Variants in ZYG11B observed in about 807,000 individuals in gnomAD.
The protein encoded by ZYG11B is zyg-11 family member B, cell cycle regulator.
In ZYG11B, 36 loss-of-function variants were observed where a neutral mutation model predicts 82.4. The observed-to-expected ratio is 0.44, with a 90% CI of 0.33 to 0.58. The LOEUF (loss-of-function observed/expected upper bound fraction) is 0.58, where lower values mean the gene tolerates loss of function less well. ZYG11B is among the 20% of genes least tolerant of loss of function. The probability of loss-of-function intolerance (pLI) is 0.02; values close to 1 mark genes in which losing one functional copy is unlikely to be tolerated. For missense variants in ZYG11B, 552 were observed against 895.6 expected (o/e 0.62, Z 4.90); for synonymous variants, 303 against 312.8 (o/e 0.97, Z 0.33).
chr1:52,768,725 C>G (rs754485004), intron 2 of ZYG11B, among the ~76,000 whole-genome samples: 14 of 151,816 alleles, frequency 9.2e-5, no homozygotes, highest in Non-Finnish European at 2.1e-4. Context: ...TCCCAAGTAG[C>G]TGGTATTACA....
At chr1:52,728,095 G>A (rs962562375) in intron 1 of ZYG11B, among the ~76,000 whole-genome samples, 3 of 152,126 alleles carry the variant, frequency 2.0e-5, no homozygotes, top group Non-Finnish European at 4.4e-5. Context: ...GTTTCTCCCT[G>A]TGGAATGTAA....
intron 1 of ZYG11B, among the ~76,000 whole-genome samples, chr1:52,752,124 A>G (rs2149927138): frequency 6.6e-6 from 1 of 152,288 alleles, no homozygotes; most frequent in Admixed American, 6.5e-5. Context: ...ATGCCAATTC[A>G]GGTAGTAGGT....
In ZYG11B at chr1:52,779,921, T is replaced by A; in HGVS notation, c.1020T>A (p.Phe340Leu). 1 of 1,614,208 alleles carries A rather than the reference T, an allele frequency of 6.2e-7. No homozygotes were observed. The highest frequency in any genetic ancestry group is 8.5e-7 in the Non-Finnish European group (1 of 1,180,036). The change falls in exon 4 of 14, where the codon TTT becomes TTA. Residue 340 changes from phenylalanine to leucine, a missense_variant. This residue lies in a region of ZYG11B where 359 missense variants were observed against 555.8 expected (regional missense o/e 0.65). Coordinates refer to ENST00000294353, the MANE Select transcript of ZYG11B (RefSeq NM_024646.3). ...AGCGTTACAGTGAACGGGCATTCTT[T>A]GTTCGGGAAGCTCTATTTCATCTTT... ...ALKRYSERAF[F>L]VREALFHLFS...
rs1347573186 is a variant in ZYG11B at position 52,771,685 on chromosome 1, A to G, written c.862A>G (p.Ile288Val). ...GACAGATAAAGCCGTTGAAGCCTTT[A>G]TACAACAACGTCCAAGCATGCAATT... ...HVTDKAVEAF[I>V]QQRPSMQFVG... Residue 288 changes from isoleucine to valine, a missense_variant, in exon 3 of 14, where the codon ATA (isoleucine) becomes GTA (valine). Coordinates refer to ENST00000294353, the MANE Select transcript of ZYG11B (RefSeq NM_024646.3). The surrounding 1 kb of genome is among the most constrained non-coding windows in gnomAD (Gnocchi z 5.4). 1.9e-6 allele frequency: 3 copies of G among 1,614,116 alleles called. No homozygotes were observed. The highest frequency in any genetic ancestry group is 1.7e-5 in the Admixed American group (1 of 60,004).
At chr1:52,811,681 C>T (rs1645183887) in intron 10 of ZYG11B, among the ~76,000 whole-genome samples, 1 of 152,024 alleles carries the variant, frequency 6.6e-6, no homozygotes, top group Admixed American at 6.6e-5. Flanking sequence ...TAATCTCATC[C>T]AATATATTTT....
chr1:52,744,767 G>A (rs1241838529), intron 1 of ZYG11B, among the ~76,000 whole-genome samples: 3 of 152,124 alleles, frequency 2.0e-5, no homozygotes, highest in African/African-American at 4.8e-5. Flanking sequence ...TCTTGAACCC[G>A]GGAGGCGGAG....
Position 52,784,003 on chromosome 1 carries a change from G to T in ZYG11B, c.1093-874G>T, listed in dbSNP as rs548339715. Among the ~76,000 whole-genome samples, 659 of 100,694 alleles carry T rather than the reference G, an allele frequency of 6.5e-3. 3 individuals are homozygous for T. The highest frequency in any genetic ancestry group is 0.028 in the African/African-American group (636 of 22,576). The allele number at this position is 100,694 out of a possible 152,430, so 66.1% of individuals were successfully genotyped here. ...ACACACACATATATATATATAGAGA[G>T]AGAGAGAGATGGAGTTTCACCGTTG... On this transcript the variant is annotated intron_variant, in intron 4 of 13. Transcript: ENST00000294353.
intron 1 of ZYG11B, among the ~76,000 whole-genome samples, chr1:52,728,631 T>C (rs1220468755): frequency 6.6e-6 from 1 of 152,208 alleles, no homozygotes; most frequent in Non-Finnish European, 1.5e-5. Context: ...TAAAGAGCTA[T>C]CCTACCTAAG....
At chr1:52,802,035 G>A (rs986757597) in intron 9 of ZYG11B, 55 bp downstream of exon 9, 33 of 1,581,914 alleles carry the variant, frequency 2.1e-5, no homozygotes, top group Non-Finnish European at 2.6e-5. Context: ...ATTTACTTTA[G>A]CATTTATTTT....
At chr1:52,790,178 T>G in intron 6 of ZYG11B, 111 bp downstream of exon 6, 1 of 654,952 alleles carries the variant, frequency 1.5e-6, no homozygotes. Context: ...ATTGAATAGA[T>G]AGAATTGTGG....
chr1:52,743,634 T>G (rs1644452875), intron 1 of ZYG11B, among the ~76,000 whole-genome samples: 1 of 152,062 alleles, frequency 6.6e-6, no homozygotes, highest in Non-Finnish European at 1.5e-5. Context: ...AGAGGATCGC[T>G]TGATTCCAGG....
intron 1 of ZYG11B, among the ~76,000 whole-genome samples, chr1:52,734,237 A>G (rs1212159274): frequency 6.6e-6 from 1 of 151,960 alleles, no homozygotes; most frequent in African/African-American, 2.4e-5. Flanking sequence ...GGCTCAAGTG[A>G]TCCTACTGCC....
rs1227346793 is a variant in ZYG11B at position 52,797,218 on chromosome 1, A to AAT, written c.1485+441_1485+442dup. ...ATAAATTATTTATATATAATATATA[A>AAT]ATATATATTATATAATATAAATTTG... On this transcript the variant is annotated intron_variant, in intron 8 of 13. Coordinates refer to ENST00000294353, the MANE Select transcript of ZYG11B (RefSeq NM_024646.3). 1.8e-4 allele frequency among the ~76,000 whole-genome samples: 15 copies of AAT among 81,246 alleles called. No homozygotes were observed. In the South Asian group the frequency reaches 3.5e-3, roughly 19 times the overall value. 53.3% of individuals were successfully genotyped at this position (81,246 alleles called of 152,430 possible). A position where few individuals can be genotyped will look rare whatever the true frequency, so the allele number is the denominator to read the frequency against.
chr1:52,796,810 G>C (rs1394464880), intron 8 of ZYG11B, 26 bp downstream of exon 8: 6 of 1,413,782 alleles, frequency 4.2e-6, no homozygotes, highest in African/African-American at 3.2e-5. Flanking sequence ...CCTCCATTCA[G>C]GCCACTAGAT....
At chr1:52,741,038 C>T (rs1644425360) in intron 1 of ZYG11B, among the ~76,000 whole-genome samples, 1 of 151,700 alleles carries the variant, frequency 6.6e-6, no homozygotes, top group African/African-American at 2.4e-5. Flanking sequence ...TGGCTCATGC[C>T]TGTAATCCCA....
intron 1 of ZYG11B, among the ~76,000 whole-genome samples, chr1:52,755,735 C>T (rs1288555758): frequency 6.6e-6 from 1 of 151,974 alleles, no homozygotes; most frequent in African/African-American, 2.4e-5. Context: ...GAACTCCCGA[C>T]CTCAGGTGAT....
intron 1 of ZYG11B, among the ~76,000 whole-genome samples, chr1:52,748,728 T>G (rs1487360265): frequency 6.6e-6 from 1 of 151,740 alleles, no homozygotes; most frequent in Non-Finnish European, 1.5e-5. Context: ...CTGGGCGTGG[T>G]GCACGCGCCT....
At chr1:52,797,565 G>T (rs1199342076) in intron 8 of ZYG11B, among the ~76,000 whole-genome samples, 5 of 129,160 alleles carry the variant, frequency 3.9e-5, no homozygotes, top group African/African-American at 1.4e-4. Context: ...TGGGAGTGCA[G>T]TGGTACGATC....
chr1:52,753,200 G>T (rs1311559138), intron 1 of ZYG11B, among the ~76,000 whole-genome samples: 1 of 152,082 alleles, frequency 6.6e-6, no homozygotes, highest in Non-Finnish European at 1.5e-5. Flanking sequence ...TCACATACAA[G>T]ATTTTGTGTG....
Sources: gnomAD v4.1 joint callset for allele counts (sites outside exome capture counted in the v4.1 genomes callset) on GRCh38, gnomAD v4.1.1 for gene constraint, gnomAD v4.1.1 regional missense constraint, Gnocchi (gnomAD v3.1) non-coding constraint, MANE v1.5 for transcripts, NCBI Gene and HGNC (gene_info 2026-07-23, HGNC 2026-07-21) for gene names.